Variants in XYLT1 observed in about 807,000 individuals in gnomAD.
XYLT1 encodes beta-D-xylosyltransferase 1.
A neutral mutation model predicts 91.3 loss-of-function variants in XYLT1; 36 were observed. The observed-to-expected ratio is 0.39, with a 90% CI of 0.30 to 0.52. The LOEUF (loss-of-function observed/expected upper bound fraction) is 0.52, where lower values mean the gene tolerates loss of function less well. Ranked by LOEUF, XYLT1 falls within the 20% of genes least tolerant of loss-of-function variation. XYLT1 has a pLI of 0.68. For synonymous variants in XYLT1, 588 were observed against 532.0 expected (o/e 1.11, Z -1.45); for missense variants, 1,242 against 1,284.5 (o/e 0.97, Z 0.51).
intron 3 of XYLT1, among the ~76,000 whole-genome samples, chr16:17,230,638 C>G (rs1007121309): frequency 6.6e-6 from 1 of 152,154 alleles, no homozygotes; most frequent in Non-Finnish European, 1.5e-5. Context: ...TTTGGAATAC[C>G]CTGCTCTTTT....
At chr16:17,212,441 T>G (rs1234929196) in intron 3 of XYLT1, among the ~76,000 whole-genome samples, 1 of 152,226 alleles carries the variant, frequency 6.6e-6, no homozygotes, top group East Asian at 1.9e-4. Context: ...GAACCACATT[T>G]TGGACACCTT....
chr16:17,105,568 G>A lies in XYLT1; in HGVS notation c.*3127C>T, dbSNP rs1285317591. On this transcript the variant is annotated 3_prime_UTR_variant, in exon 12 of 12. Transcript: ENST00000261381. ...GATGTGGGAAGGCTGGCTGTCTCCTGAGCTCAATTTCTGCCTGAATGTCAC... is the reference window on the plus strand; with the variant it reads ...GATGTGGGAAGGCTGGCTGTCTCCTAAGCTCAATTTCTGCCTGAATGTCAC... 1 of 152,170 alleles carries A rather than the reference G, an allele frequency of 6.6e-6. No homozygotes were observed. The highest frequency in any genetic ancestry group is 1.5e-5 in the Non-Finnish European group (1 of 68,078). 9.4% of individuals were successfully genotyped at this position (152,170 alleles called of 1,614,324 possible). A position where few individuals can be genotyped will look rare whatever the true frequency, so the allele number is the denominator to read the frequency against.
intron 2 of XYLT1, among the ~76,000 whole-genome samples, chr16:17,267,465 T>C (rs35162003): frequency 0.28 from 42,048 of 152,234 alleles, 6,374 homozygotes; most frequent in African/African-American, 0.38. Context: ...TGGAGTGCAG[T>C]GGTGCGATCA....
chr16:17,435,575 G>C (rs2036446293), intron 1 of XYLT1, among the ~76,000 whole-genome samples: 1 of 152,054 alleles, frequency 6.6e-6, no homozygotes, highest in African/African-American at 2.4e-5. Flanking sequence ...CATCTAAGTT[G>C]GGCCTCAGAG....
At chr16:17,458,841 T>C (rs2036778405) in intron 1 of XYLT1, among the ~76,000 whole-genome samples, 1 of 151,966 alleles carries the variant, frequency 6.6e-6, no homozygotes, top group Admixed American at 6.6e-5. Context: ...ATTGGCTGGT[T>C]ATATTTCTGT....
intron 3 of XYLT1, among the ~76,000 whole-genome samples, chr16:17,236,055 C>T (rs571364591): frequency 2.4e-4 from 36 of 152,130 alleles, no homozygotes; most frequent in Non-Finnish European, 4.6e-4. Flanking sequence ...TTAGTAGAGA[C>T]GGGGTTTCAC....
intron 1 of XYLT1, among the ~76,000 whole-genome samples, chr16:17,443,130 C>T (rs538919328): frequency 6.6e-6 from 1 of 152,060 alleles, no homozygotes; most frequent in Non-Finnish European, 1.5e-5. Context: ...ATTGTAGTTA[C>T]CTCACAGGGT....
chr16:17,316,440 C>T (rs201052088), intron 2 of XYLT1, among the ~76,000 whole-genome samples: 38 of 151,978 alleles, frequency 2.5e-4, no homozygotes, highest in African/African-American at 8.4e-4. Flanking sequence ...TCTGTCGCCC[C>T]GGCTGGAGTG....
Position 17,114,827 on chromosome 16 carries a change from AT to A in XYLT1, c.2557+2818del, listed in dbSNP as rs11424722. 2.0e-5 allele frequency among the ~76,000 whole-genome samples: 3 copies of A among 151,538 alleles called. No homozygotes were observed. In the South Asian group the frequency reaches 6.3e-4, roughly 32 times the overall value. On this transcript the variant is annotated intron_variant, in intron 11 of 11. Transcript: ENST00000261381. Reference sequence around the variant, plus strand: ...GGATGTAACTGCATGGGAACATACAATTTTTTTTTCTTTTTTGTTTTTGTTG... The same window carrying A: ...GGATGTAACTGCATGGGAACATACAATTTTTTTTCTTTTTTGTTTTTGTTG...
At chr16:17,200,420 CA>C in intron 4 of XYLT1, 61 bp downstream of exon 4, 1 of 1,570,946 alleles carries the variant, frequency 6.4e-7, no homozygotes, top group Non-Finnish European at 8.7e-7. Context: ...AGGAGGGTAT[CA>C]GGGAGGGACG....
intron 3 of XYLT1, among the ~76,000 whole-genome samples, chr16:17,224,884 A>T (rs779133617): frequency 4.6e-5 from 7 of 152,220 alleles, no homozygotes; most frequent in Non-Finnish European, 1.0e-4. Context: ...TTTGTGGGCC[A>T]TATGGTTCTC....
At chr16:17,218,242 G>A (rs7202731) in intron 3 of XYLT1, among the ~76,000 whole-genome samples, 36,003 of 151,842 alleles carry the variant, frequency 0.24, 4,647 homozygotes, top group East Asian at 0.37. Context: ...TAGTGACAGA[G>A]TGAGGCTTCC....
chr16:17,442,765 G>A (rs1298529535), intron 1 of XYLT1, among the ~76,000 whole-genome samples: 3 of 152,136 alleles, frequency 2.0e-5, no homozygotes, highest in Non-Finnish European at 4.4e-5. Context: ...CCAGCTTTCT[G>A]CATCCTCATT....
chr16:17,470,903 C>A lies in XYLT1; in HGVS notation c.-107G>T. On this transcript the variant is annotated 5_prime_UTR_variant, in exon 1 of 12. Transcript: ENST00000261381. ...CCGCCGGCTGCCGCTCGGGCTCCCG[C>A]TCGGGCCGCCGCCGCCGCCCCCCTC... The A allele has an allele frequency of 3.0e-6, 2 of 669,858 alleles. No homozygotes were observed. The highest frequency in any genetic ancestry group is 3.3e-6 in the Non-Finnish European group (2 of 612,114). 41.5% of individuals were successfully genotyped at this position (669,858 alleles called of 1,614,324 possible). A position where few individuals can be genotyped will look rare whatever the true frequency, so the allele number is the denominator to read the frequency against.
chr16:17,138,558 G>GAGACCTCTCCCA (rs763413167), intron 7 of XYLT1, 27 bp from the exon 8 acceptor site: 1 of 1,605,828 alleles, frequency 6.2e-7, no homozygotes, highest in Non-Finnish European at 8.5e-7. Flanking sequence ...GACCCAGCCT[G>GAGACCTCTCCCA]AGACCTCTCC....
intron 3 of XYLT1, among the ~76,000 whole-genome samples, chr16:17,238,784 C>T (rs1567336572): frequency 6.6e-6 from 1 of 152,240 alleles, no homozygotes; most frequent in Admixed American, 6.5e-5. Context: ...GCTGTTCTTT[C>T]AGTTTCAACG....
chr16:17,310,053 G>C (rs2034523376), intron 2 of XYLT1, among the ~76,000 whole-genome samples: 1 of 152,136 alleles, frequency 6.6e-6, no homozygotes, highest in Non-Finnish European at 1.5e-5. Context: ...GAAACTTCTG[G>C]GACCTGATTT....
intron 3 of XYLT1, among the ~76,000 whole-genome samples, chr16:17,218,567 A>T (rs2032904825): frequency 6.6e-6 from 1 of 152,114 alleles, no homozygotes; most frequent in Non-Finnish European, 1.5e-5. Flanking sequence ...TGCCTGCTCG[A>T]AGCTTTCATC....
chr16:17,351,756 G>GC (rs2035223892), intron 2 of XYLT1, among the ~76,000 whole-genome samples: 1 of 148,906 alleles, frequency 6.7e-6, no homozygotes, highest in Middle Eastern at 3.4e-3. Flanking sequence ...TTTTGGGGGG[G>GC]GGTGCTTTCC....
Sources: allele counts gnomAD v4.1 joint callset (sites outside exome capture counted in the v4.1 genomes callset), GRCh38; gene constraint gnomAD v4.1.1; transcripts MANE v1.5; gene names NCBI Gene and HGNC (gene_info 2026-07-23, HGNC 2026-07-21).